RSRC1: variants seen among roughly 807,000 people sequenced by gnomAD.
RSRC1 encodes the protein arginine and serine rich coiled-coil 1, also known as serine/Arginine-related protein 53.
A neutral mutation model predicts 49.1 loss-of-function variants in RSRC1; 39 were observed. The observed-to-expected ratio is 0.79, with a 90% CI of 0.61 to 1.04. The LOEUF (loss-of-function observed/expected upper bound fraction) is 1.04. Among genes scored for constraint, RSRC1 ranks in the 50% least tolerant of loss-of-function variants. The pLI, the probability that RSRC1 is intolerant of heterozygous loss-of-function variation, is 0.00. For synonymous variants in RSRC1, 143 were observed against 130.8 expected (o/e 1.09, Z -0.63); for missense variants, 388 against 402.4 (o/e 0.96, Z 0.31).
At chr3:158,181,509 A>G (rs1719622380) in intron 3 of RSRC1, among the ~76,000 whole-genome samples, 1 of 152,228 alleles carries the variant, frequency 6.6e-6, no homozygotes, top group Non-Finnish European at 1.5e-5. Flanking sequence ...GAATATGTGT[A>G]TGCTTTTTGT....
At chr3:158,383,736 G>A (rs950666248) in intron 6 of RSRC1, among the ~76,000 whole-genome samples, 4 of 151,928 alleles carry the variant, frequency 2.6e-5, no homozygotes, top group South Asian at 2.1e-4. Context: ...GCTTGTATTT[G>A]TTTTGTAATT....
rs202232451 is a variant in RSRC1, at chr3:158,527,366, A to AT, written c.653-9717dup. On this transcript the variant is annotated intron_variant, in intron 7 of 9. Transcript: ENST00000611884. ...GGATGATGCAAGAAGAGAGTTGGAG[A>AT]TTTTTTTTTAAATCTCCTTTGCACA... Among the ~76,000 whole-genome samples the AT allele has an allele frequency of 1.1e-3, 169 of 151,492 alleles. 2 individuals are homozygous for AT. The East Asian group carries it at 0.023, about 21-fold the overall frequency.
chr3:158,321,497 A>C (rs1296168634), intron 5 of RSRC1, among the ~76,000 whole-genome samples: 1 of 151,960 alleles, frequency 6.6e-6, no homozygotes, highest in Non-Finnish European at 1.5e-5. Context: ...AGAACAAAAA[A>C]AGGAAAAAGT....
At chr3:158,250,934 C>G (rs775176129) in intron 4 of RSRC1, among the ~76,000 whole-genome samples, 1 of 152,174 alleles carries the variant, frequency 6.6e-6, no homozygotes, top group Non-Finnish European at 1.5e-5. Flanking sequence ...TGGAGAGTTT[C>G]TCCAATGTTT....
chr3:158,199,950 C>T (rs750739452), intron 3 of RSRC1, among the ~76,000 whole-genome samples: 54 of 150,894 alleles, frequency 3.6e-4, no homozygotes, highest in Admixed American at 6.7e-5. Flanking sequence ...GGGTGACACT[C>T]TTAGTTTCTG....
intron 6 of RSRC1, among the ~76,000 whole-genome samples, chr3:158,362,311 AGT>A (rs1377694383): frequency 6.6e-6 from 1 of 152,220 alleles, no homozygotes; most frequent in Non-Finnish European, 1.5e-5. Context: ...ACTGCACTCC[AGT>A]GTGGGTGACA....
chr3:158,219,180 C>G (rs1722104475), intron 4 of RSRC1, among the ~76,000 whole-genome samples: 2 of 151,556 alleles, frequency 1.3e-5, no homozygotes, highest in Admixed American at 6.6e-5. Flanking sequence ...GTTTAGGAAA[C>G]CATTTTTATT....
intron 6 of RSRC1, among the ~76,000 whole-genome samples, chr3:158,377,756 T>C (rs1336198232): frequency 6.6e-6 from 1 of 151,718 alleles, no homozygotes; most frequent in African/African-American, 2.4e-5. Context: ...GCCCCCTGGG[T>C]TCAAGTGATT....
intron 3 of RSRC1, among the ~76,000 whole-genome samples, chr3:158,199,064 A>T (rs757672118): frequency 1.3e-5 from 2 of 152,154 alleles, no homozygotes; most frequent in Admixed American, 6.5e-5. Context: ...TTGAATCATC[A>T]GGGAGGGTCT....
intron 7 of RSRC1, among the ~76,000 whole-genome samples, chr3:158,496,037 T>C (rs1157196320): frequency 1.3e-5 from 2 of 152,172 alleles, no homozygotes; most frequent in East Asian, 1.9e-4. Context: ...AGAGAAATTA[T>C]TGGGGAATGA....
At chr3:158,115,249 T>G (rs1444826012) in intron 1 of RSRC1, among the ~76,000 whole-genome samples, 1 of 152,222 alleles carries the variant, frequency 6.6e-6, no homozygotes, top group Non-Finnish European at 1.5e-5. Flanking sequence ...TAAATTATGT[T>G]GTTTGTAATT....
chr3:158,259,795 A>C (rs890317407), intron 4 of RSRC1, among the ~76,000 whole-genome samples: 5 of 152,198 alleles, frequency 3.3e-5, no homozygotes, highest in Admixed American at 3.3e-4. Flanking sequence ...GCTGCAAGGC[A>C]AAGTCCTTTC....
At chr3:158,327,789 T>C (rs1440971738) in intron 5 of RSRC1, among the ~76,000 whole-genome samples, 1 of 152,144 alleles carries the variant, frequency 6.6e-6, no homozygotes, top group Non-Finnish European at 1.5e-5. Context: ...GATATCCTTG[T>C]TAACTTTCTG....
chr3:158,260,253 A>G (rs1267996281), intron 4 of RSRC1, among the ~76,000 whole-genome samples: 2 of 152,126 alleles, frequency 1.3e-5, no homozygotes, highest in Non-Finnish European at 2.9e-5. Context: ...TTCAGGGCTC[A>G]AAGGCTCTTT....
chr3:158,479,535 C>A (rs556510316), intron 7 of RSRC1, among the ~76,000 whole-genome samples: 1 of 152,076 alleles, frequency 6.6e-6, no homozygotes, highest in Non-Finnish European at 1.5e-5. Context: ...AACTATAGCA[C>A]CACCCAATTT....
intron 4 of RSRC1, among the ~76,000 whole-genome samples, chr3:158,257,110 G>C (rs531528470): frequency 2.6e-5 from 4 of 152,066 alleles, no homozygotes; most frequent in South Asian, 2.1e-4. Context: ...CTTGCCTTCT[G>C]CTAGCTTTTG....
At chr3:158,158,509 T>A (rs913512585) in intron 3 of RSRC1, among the ~76,000 whole-genome samples, 1 of 152,210 alleles carries the variant, frequency 6.6e-6, no homozygotes, top group African/African-American at 2.4e-5. Context: ...CTGCCACAAT[T>A]TTTTTCTCTC....
chr3:158,145,147 T>G (rs1430162876), intron 3 of RSRC1, among the ~76,000 whole-genome samples: 1 of 152,214 alleles, frequency 6.6e-6, no homozygotes, highest in Admixed American at 6.5e-5. Context: ...TAGATCCCAT[T>G]TGTCAATTTT....
intron 4 of RSRC1, among the ~76,000 whole-genome samples, chr3:158,248,139 C>G (rs898400911): frequency 1.3e-5 from 2 of 152,164 alleles, no homozygotes; most frequent in African/African-American, 4.8e-5. Context: ...TTCTCTTGCT[C>G]CCTCTGTAGT....
Sources: gnomAD v4.1 joint callset for allele counts (sites outside exome capture counted in the v4.1 genomes callset) on GRCh38, gnomAD v4.1.1 for gene constraint, MANE v1.5 for transcripts, NCBI Gene and HGNC (gene_info 2026-07-23, HGNC 2026-07-21) for gene names.